C2orf92: variants seen among roughly 807,000 people sequenced by gnomAD.
C2orf92 encodes uncharacterized protein C2orf92.
upstream of C2orf92, chr2:97,669,311 G>A (rs914000045): frequency 6.6e-6 from 1 of 152,236 alleles, no homozygotes; most frequent in East Asian, 1.9e-4. Flanking sequence ...TGTTGGCCAG[G>A]CTGGTCTGGA....
chr2:97,694,296 G>C (rs1676233387), intron 5 of C2orf92, among the ~76,000 whole-genome samples: 1 of 149,090 alleles, frequency 6.7e-6, no homozygotes, highest in Non-Finnish European at 1.5e-5. Context: ...CCAGGCTGCA[G>C]TGGCGCGATC....
intron 3 of C2orf92, among the ~76,000 whole-genome samples, chr2:97,678,319 G>A: frequency 6.6e-6 from 1 of 151,984 alleles, no homozygotes; most frequent in East Asian, 1.9e-4. Context: ...TGGGACTTGT[G>A]GGGCACCATC....
chr2:97,683,709 C>T (rs902556864), intron 3 of C2orf92, among the ~76,000 whole-genome samples: 9 of 151,592 alleles, frequency 5.9e-5, no homozygotes, highest in African/African-American at 1.9e-4. Flanking sequence ...AAAAAGAAAA[C>T]AATTGGAGGA....
chr2:97,699,370 C>T (rs905765258), intron 6 of C2orf92, among the ~76,000 whole-genome samples: 2 of 152,016 alleles, frequency 1.3e-5, no homozygotes, highest in African/African-American at 4.8e-5. Context: ...TCAAGGTGGG[C>T]GGATCACCTG....
rs143297234 is a variant in C2orf92, at chr2:97,703,002, C to T, written c.*201C>T. On this transcript the variant is annotated 3_prime_UTR_variant, in exon 8 of 8. Transcript: ENST00000627399. ...GTGGCAATATGGCACCGATGGCTGG[C>T]GTCGGTGAACCCGACAGACTATGGA... 7.5e-5 allele frequency: 29 copies of T among 386,974 alleles called. No individual in the cohort carries two copies. Among genetic ancestry groups the T allele is most frequent in the Middle Eastern group, 6.6e-4 (1 of 1,524 alleles). The allele number at this position is 386,974 out of a possible 1,614,324, so 24.0% of individuals were successfully genotyped here. A position where few individuals can be genotyped will look rare whatever the true frequency, so the allele number is the denominator to read the frequency against.
upstream of C2orf92, among the ~76,000 whole-genome samples, chr2:97,665,596 A>G (rs1326612482): frequency 6.6e-6 from 1 of 151,938 alleles, no homozygotes; most frequent in East Asian, 1.9e-4. Flanking sequence ...AGCTATGTCT[A>G]CATGAGGGTG....
At chr2:97,664,588 T>G (rs1481203861) in intron 1 of C2orf92, 1 of 151,140 alleles carries the variant, frequency 6.6e-6, no homozygotes, top group Non-Finnish European at 1.5e-5. Flanking sequence ...TTTACTGAAA[T>G]AGTCTCCGTA....
intron 1 of C2orf92, chr2:97,671,374 T>G (rs933382694): frequency 7.6e-6 from 3 of 396,830 alleles, no homozygotes; most frequent in African/African-American, 6.2e-5. Context: ...CTCGAACTCC[T>G]GACCTCAAGT....
At chr2:97,690,563 A>G (rs553013405) in intron 5 of C2orf92, among the ~76,000 whole-genome samples, 2 of 151,748 alleles carry the variant, frequency 1.3e-5, no homozygotes, top group Admixed American at 6.6e-5. Context: ...TGTATTTTTT[A>G]GTAGAGACAG....
chr2:97,664,043 C>T, upstream of C2orf92: 1 of 341,630 alleles, frequency 2.9e-6, no homozygotes, highest in East Asian at 5.3e-5. Flanking sequence ...GCGGGGCTTT[C>T]TGGAGGGCGG....
intron 6 of C2orf92, among the ~76,000 whole-genome samples, chr2:97,699,712 C>A (rs1676432570): frequency 6.6e-6 from 1 of 152,244 alleles, no homozygotes. Flanking sequence ...CACCCTCGCT[C>A]ATCCCTGAGC....
chr2:97,669,803 G>A lies in C2orf92; in HGVS notation c.15G>A (p.Met5Ile), dbSNP rs1675350977. The change falls in exon 1 of 8, where the codon ATG (methionine) becomes ATA (isoleucine). Residue 5 changes from methionine (M) to isoleucine (I), a missense_variant. Transcript: ENST00000627399. The part of the protein sequence containing the change: MSRA[M>I]ALFFVLCWIQ... ...CTAAGGCAAAGATGAGCAGAGCCAT[G>A]GCCCTCTTCTTTGTTCTCTGCTGGA... The A allele has an allele frequency of 2.5e-6, 1 of 398,618 alleles. No homozygotes were observed. 24.7% of individuals were successfully genotyped at this position (398,618 alleles called of 1,614,324 possible). A position where few individuals can be genotyped will look rare whatever the true frequency, so the allele number is the denominator to read the frequency against.
intron 5 of C2orf92, among the ~76,000 whole-genome samples, chr2:97,692,827 G>A (rs969680687): frequency 6.6e-6 from 1 of 152,214 alleles, no homozygotes; most frequent in Non-Finnish European, 1.5e-5. Context: ...TGGGCATCCT[G>A]CTTTGTTCTT....
chr2:97,701,333 C>A, intron 7 of C2orf92, 29 bp downstream of exon 7: 1 of 398,602 alleles, frequency 2.5e-6, no homozygotes, highest in Non-Finnish European at 4.4e-6. Context: ...ACCTTCCTTC[C>A]AAGAACCCGC....
upstream of C2orf92, among the ~76,000 whole-genome samples, chr2:97,665,052 T>C (rs1269423603): frequency 1.3e-5 from 2 of 152,232 alleles, no homozygotes; most frequent in African/African-American, 4.8e-5. Flanking sequence ...AGTTGTATTA[T>C]TACTCCCATT....
rs998859371 is a variant in C2orf92, at chr2:97,702,762, A to G, written c.759A>G (p.Ala253=). Residue 253 remains alanine, a synonymous_variant, in exon 8 of 8, where the codon GCA becomes GCG. Transcript: ENST00000627399. ...NSEEKNFTKL[A]KKQKQLKSSS... is the part of the protein sequence containing the mutation. ...AAGAAAAAAATTTCACAAAACTTGC[A>G]AAAAAACAGAAACAGTTGAAGAGCA... 2 of 398,852 alleles carry G rather than the reference A, an allele frequency of 5.0e-6. No individual in the cohort carries two copies. The highest frequency in any genetic ancestry group is 7.1e-5 in the East Asian group (2 of 28,098). 24.7% of individuals were successfully genotyped at this position (398,852 alleles called of 1,614,324 possible).
At chr2:97,685,039 C>G (rs1675906266) in intron 3 of C2orf92, among the ~76,000 whole-genome samples, 1 of 151,676 alleles carries the variant, frequency 6.6e-6, no homozygotes, top group Non-Finnish European at 1.5e-5. Context: ...ACACCATTCT[C>G]CTGCCTCAGC....
At chr2:97,693,260 G>A (rs1386285046) in intron 5 of C2orf92, among the ~76,000 whole-genome samples, 1 of 151,988 alleles carries the variant, frequency 6.6e-6, no homozygotes, top group African/African-American at 2.4e-5. Context: ...CTCACATCTT[G>A]GCTATTGTAA....
chr2:97,684,305 G>C (rs1271538678), intron 3 of C2orf92, among the ~76,000 whole-genome samples: 2 of 152,136 alleles, frequency 1.3e-5, no homozygotes, highest in African/African-American at 2.4e-5. Flanking sequence ...AAAGTGCTGG[G>C]ATTACAGGCA....
Sources: allele counts gnomAD v4.1 joint callset (sites outside exome capture counted in the v4.1 genomes callset), GRCh38; gene constraint gnomAD v4.1.1; transcripts MANE v1.5; gene names NCBI Gene and HGNC (gene_info 2026-07-23, HGNC 2026-07-21).